The following EIF2B3 variants were observed in gnomAD, a reference collection of about 807,000 sequenced individuals.
EIF2B3 encodes the protein eukaryotic translation initiation factor 2B subunit gamma, also known as translation initiation factor eIF2B subunit gamma.
In EIF2B3, 20 loss-of-function variants were observed where a neutral mutation model predicts 54.1. That is an observed-to-expected ratio of 0.37 (90% CI 0.26 to 0.54). The LOEUF (loss-of-function observed/expected upper bound fraction) is 0.54. EIF2B3 is among the 20% of genes least tolerant of loss of function. The pLI, the probability that EIF2B3 is intolerant of heterozygous loss-of-function variation, is 0.86. For synonymous variants in EIF2B3, 153 were observed against 188.1 expected, an observed-to-expected ratio of 0.81 and a Z score of 1.52; for missense variants, 448 against 547.8, an observed-to-expected ratio of 0.82 and a Z score of 1.82.
At chr1:44,971,402 C>T (rs1432236042) in intron 3 of EIF2B3, among the ~76,000 whole-genome samples, 2 of 149,748 alleles carry the variant, frequency 1.3e-5, no homozygotes, top group East Asian at 2.0e-4. Context: ...CAAAGTCATA[C>T]AAAAAGGCAG....
At chr1:44,877,198 A>T (rs76482481) in intron 8 of EIF2B3, among the ~76,000 whole-genome samples, 3 of 140,868 alleles carry the variant, frequency 2.1e-5, no homozygotes, top group Non-Finnish European at 4.6e-5. Context: ...TCAATAAAAA[A>T]AAAAAAAAAA....
At chr1:44,938,473 C>T (rs1643981643) in intron 4 of EIF2B3, among the ~76,000 whole-genome samples, 1 of 148,620 alleles carries the variant, frequency 6.7e-6, no homozygotes, top group Non-Finnish European at 1.5e-5. Flanking sequence ...ATAATGAGAC[C>T]TAATTTCTCT....
intron 5 of EIF2B3, among the ~76,000 whole-genome samples, chr1:44,904,570 G>A (rs1643378550): frequency 6.6e-6 from 1 of 152,086 alleles, no homozygotes; most frequent in South Asian, 2.1e-4. Context: ...CTGGAGTGCA[G>A]TGGCACAATC....
At chr1:44,969,408 C>T (rs1028432881) in intron 3 of EIF2B3, among the ~76,000 whole-genome samples, 1 of 152,060 alleles carries the variant, frequency 6.6e-6, no homozygotes, top group South Asian at 2.1e-4. Flanking sequence ...GTTAAATAAA[C>T]ACATTTGAAA....
At chr1:44,926,347 G>C (rs1193936994) in intron 5 of EIF2B3, among the ~76,000 whole-genome samples, 1 of 151,584 alleles carries the variant, frequency 6.6e-6, no homozygotes, top group Non-Finnish European at 1.5e-5. Context: ...TTTTTTAAAG[G>C]GGATTTATAA....
intron 10 of EIF2B3, among the ~76,000 whole-genome samples, chr1:44,871,635 G>C (rs1057028022): frequency 3.9e-5 from 6 of 152,162 alleles, no homozygotes; most frequent in African/African-American, 1.2e-4. Flanking sequence ...GTGAACAAGA[G>C]AGATAAGGCA....
At chr1:44,871,631 A>T (rs944277867) in intron 10 of EIF2B3, among the ~76,000 whole-genome samples, 24 of 152,202 alleles carry the variant, frequency 1.6e-4, no homozygotes, top group African/African-American at 5.5e-4. Flanking sequence ...AAAAGTGAAC[A>T]AGAGAGATAA....
chr1:44,856,029 T>G (rs1654421362), intron 11 of EIF2B3, among the ~76,000 whole-genome samples: 1 of 152,098 alleles, frequency 6.6e-6, no homozygotes, highest in Non-Finnish European at 1.5e-5. Flanking sequence ...AGAAAACACT[T>G]GGTCGGAGTC....
At chr1:44,913,521 T>C (rs543270067) in intron 5 of EIF2B3, among the ~76,000 whole-genome samples, 1 of 151,828 alleles carries the variant, frequency 6.6e-6, no homozygotes, top group South Asian at 2.1e-4. Context: ...AAAAATCTTG[T>C]ACAGATAGGG....
chr1:44,859,754 G>A (rs1190590249), intron 10 of EIF2B3, among the ~76,000 whole-genome samples: 1 of 152,110 alleles, frequency 6.6e-6, no homozygotes, highest in Non-Finnish European at 1.5e-5. Context: ...AATACTCTCT[G>A]TACATTATAG....
At chr1:44,860,937 T>C (rs1654594952) in intron 10 of EIF2B3, among the ~76,000 whole-genome samples, 1 of 152,228 alleles carries the variant, frequency 6.6e-6, no homozygotes, top group Admixed American at 6.5e-5. Context: ...AAAAAGATTC[T>C]TCCCAAATGC....
chr1:44,859,064 C>T (rs576960699), intron 10 of EIF2B3, among the ~76,000 whole-genome samples: 20 of 152,174 alleles, frequency 1.3e-4, no homozygotes, highest in South Asian at 4.1e-4. Flanking sequence ...TTTGGGAGGC[C>T]GAGGTGGAAG....
chr1:44,925,372 G>T (rs560204010), intron 5 of EIF2B3: 1 of 152,086 alleles, frequency 6.6e-6, no homozygotes, highest in South Asian at 2.1e-4. Context: ...AACGAAATCC[G>T]TTATATGCTA....
At position 44,961,286 on chromosome 1, in the gene EIF2B3, C is replaced by T. The variant is rs147850215; in HGVS notation, c.294+17029G>A. ...GAGCCATGATCATGCCACTGCACTC[C>T]AACCTGGGCAACAGAGTGAGACCCT... On this transcript the variant is annotated intron_variant, in intron 3 of 11. Transcript: ENST00000360403. 9.1e-3 allele frequency among the ~76,000 whole-genome samples: 1,256 copies of T among 138,768 alleles called. 8 individuals carry two copies. The highest frequency in any genetic ancestry group is 0.032 in the Middle Eastern group (8 of 252). 91.0% of individuals were successfully genotyped at this position (138,768 alleles called of 152,430 possible). A position where few individuals can be genotyped will look rare whatever the true frequency, so the allele number is the denominator to read the frequency against.
At chr1:44,954,306 T>C (rs1201505528) in intron 3 of EIF2B3, among the ~76,000 whole-genome samples, 1 of 152,248 alleles carries the variant, frequency 6.6e-6, no homozygotes, top group Admixed American at 6.5e-5. Context: ...GATTTGAATC[T>C]ATAAATTACT....
Position 44,881,674 on chromosome 1 carries a change from G to A in EIF2B3, c.722C>T (p.Ser241Phe). The A allele has an allele frequency of 3.1e-6, 5 of 1,614,116 alleles. No homozygotes were observed. The highest frequency in any genetic ancestry group is 4.2e-6 in the Non-Finnish European group (5 of 1,180,004). The change falls in exon 7 of 12, where the codon TCC becomes TTC. Residue 241 changes from serine (S) to phenylalanine (F), a missense_variant. Coordinates refer to ENST00000360403, the MANE Select transcript of EIF2B3 (RefSeq NM_020365.5). The surrounding 1 kb of genome is among the most constrained non-coding windows in gnomAD (Gnocchi z 4.0). ...TTTTTCTTCTTGTCCCTGTTGTGAG[G>A]AAGCTGAGGAAAACTGTTTTCTCAC... Reference protein sequence around the residue: ...YLVRKQFSSASSQQGQEEKEE... With the variant: ...YLVRKQFSSAFSQQGQEEKEE...
chr1:44,977,956 G>A (rs1413838471), intron 3 of EIF2B3, among the ~76,000 whole-genome samples: 1 of 152,152 alleles, frequency 6.6e-6, no homozygotes, highest in Non-Finnish European at 1.5e-5. Context: ...TAATGCACTG[G>A]GGGCCAGGCG....
At chr1:44,895,557 AT>A (rs1249170361) in intron 6 of EIF2B3, among the ~76,000 whole-genome samples, 1 of 151,956 alleles carries the variant, frequency 6.6e-6, no homozygotes, top group Non-Finnish European at 1.5e-5. Flanking sequence ...TATACATAAA[AT>A]ATATATCTAT....
chr1:44,914,888 A>C (rs1024712876), intron 5 of EIF2B3, among the ~76,000 whole-genome samples: 8 of 152,012 alleles, frequency 5.3e-5, no homozygotes, highest in African/African-American at 1.4e-4. Flanking sequence ...TGCGGTTTCA[A>C]CCGTGTTAGC....
Sources: allele counts gnomAD v4.1 joint callset (sites outside exome capture counted in the v4.1 genomes callset), GRCh38; gene constraint gnomAD v4.1.1; non-coding constraint Gnocchi (gnomAD v3.1); transcripts MANE v1.5; gene names NCBI Gene and HGNC (gene_info 2026-07-23, HGNC 2026-07-21).